NTN5: variants seen among roughly 807,000 people sequenced by gnomAD.
NTN5 encodes netrin-5.
In NTN5, 42 loss-of-function variants were observed where a neutral mutation model predicts 38.7. The ratio of observed to expected loss-of-function variants is 1.08; its 90% confidence interval spans 0.85 to 1.40. NTN5 has a LOEUF of 1.40. Among genes scored for constraint, NTN5 ranks in the 40% most tolerant of loss-of-function variants. The probability of loss-of-function intolerance (pLI) is 0.00; values close to 1 mark genes in which losing one functional copy is unlikely to be tolerated. For missense variants in NTN5, 658 were observed against 716.5 expected (o/e 0.92, Z 0.93); for synonymous variants, 329 against 303.9 (o/e 1.08, Z -0.86).
At chr19:48,671,380 G>A (rs1277606422) in intron 1 of NTN5, among the ~76,000 whole-genome samples, 1 of 151,784 alleles carries the variant, frequency 6.6e-6, no homozygotes, top group Non-Finnish European at 1.5e-5. Context: ...CAGGAGAGGG[G>A]GCTTAGGGAC....
Position 48,671,022 on chromosome 19 carries a change from G to A in NTN5, c.-20-16C>T. On this transcript the variant is annotated splice_polypyrimidine_tract_variant and intron_variant, in intron 1 of 6. Coordinates refer to ENST00000270235, the MANE Select transcript of NTN5 (RefSeq NM_145807.4). Reference sequence around the variant, plus strand: ...GAGCCAGCACCTGGAGGGAAGAGAGGTGGCTGGGCTGGGGATCTCAGCCGC... The same window carrying A: ...GAGCCAGCACCTGGAGGGAAGAGAGATGGCTGGGCTGGGGATCTCAGCCGC... 2.7e-6 allele frequency: 4 copies of A among 1,477,606 alleles called. No homozygotes were observed. Among genetic ancestry groups the A allele is most frequent in the Non-Finnish European group, 3.6e-6 (4 of 1,113,192 alleles). The allele number at this position is 1,477,606 out of a possible 1,614,324, so 91.5% of individuals were successfully genotyped here.
Position 48,664,529 on chromosome 19 carries a change from G to A in NTN5, c.820+50C>T, listed in dbSNP as rs144755455. ...AGCCCCTCCTCCCTCAGCCCCAGGA[G>A]TCCAGCCCTACCTCTGCTCCCCCCA... On this transcript the variant is annotated intron_variant, in intron 3 of 6. Transcript: ENST00000270235. 0.034 allele frequency: 51,106 copies of A among 1,496,134 alleles called. 1,277 individuals are homozygous for A. Among genetic ancestry groups the A allele is most frequent in the Non-Finnish European group, 0.039 (43,598 of 1,113,148 alleles). The allele number at this position is 1,496,134 out of a possible 1,614,324, so 92.7% of individuals were successfully genotyped here.
At chr19:48,663,692 C>G (rs776399043) in intron 5 of NTN5, 69 bp downstream of exon 5, 3 of 1,545,720 alleles carry the variant, frequency 1.9e-6, no homozygotes, top group Non-Finnish European at 2.7e-6. Context: ...GTATCCCCAT[C>G]TGGGGACCCA....
chr19:48,664,741 G>C lies in NTN5; in HGVS notation c.658C>G (p.Arg220Gly). Residue 220 changes from arginine (R) to glycine (G), a missense_variant, in exon 3 of 7, where the codon CGC becomes GGC. Physicochemically the swap from Arg to Gly is moderately radical, Grantham distance 125. Coordinates refer to ENST00000270235, the MANE Select transcript of NTN5 (RefSeq NM_145807.4). The stretch of plus-strand genomic sequence containing the variant: ...AACAGCTCAGAGTTGAACCGGCAGC[G>C]TCGGGCGTGCTGGTTGCAGGAGCAG... ...LPCSCNQHAR[R>G]CRFNSELFRL... 3 of 1,577,854 alleles carry C rather than the reference G, an allele frequency of 1.9e-6. No individual in the cohort carries two copies. Among genetic ancestry groups the C allele is most frequent in the East Asian group, 2.4e-5 (1 of 42,318 alleles).
intron 6 of NTN5, chr19:48,663,092 A>G (rs2031591750): frequency 2.5e-6 from 1 of 407,084 alleles, no homozygotes; most frequent in Admixed American, 2.8e-5. Flanking sequence ...CTAAGGCTCA[A>G]ATATCTGGGA....
chr19:48,668,417 C>T (rs1393981917), intron 2 of NTN5, among the ~76,000 whole-genome samples: 1 of 152,186 alleles, frequency 6.6e-6, no homozygotes, highest in Non-Finnish European at 1.5e-5. Context: ...GTTACTATCC[C>T]CAATCTATGG....
Position 48,661,477 on chromosome 19 carries a change from G to C in NTN5, c.*200C>G. 1 of 523,462 alleles carries C rather than the reference G, an allele frequency of 1.9e-6. No homozygotes were observed. 32.4% of individuals were successfully genotyped at this position (523,462 alleles called of 1,614,324 possible). On this transcript the variant is annotated 3_prime_UTR_variant, in exon 7 of 7. Coordinates refer to ENST00000270235, the MANE Select transcript of NTN5 (RefSeq NM_145807.4). ...GGGAATAAGCCACAGGCCAAAGGAG[G>C]AAATGTTGGGACCAGAAGTCCCGCT... is the stretch of plus-strand genomic sequence containing the variant.
intron 2 of NTN5, among the ~76,000 whole-genome samples, chr19:48,665,252 A>G (rs1410036723): frequency 6.6e-6 from 1 of 151,434 alleles, no homozygotes; most frequent in East Asian, 2.0e-4. Flanking sequence ...CATGGCCAAC[A>G]TGGCGAAAAC....
chr19:48,665,679 C>T (rs1211492288), intron 2 of NTN5, among the ~76,000 whole-genome samples: 7 of 149,952 alleles, frequency 4.7e-5, no homozygotes, highest in African/African-American at 1.7e-4. Flanking sequence ...ATTAGCTGGG[C>T]GTGGTGGCAC....
At chr19:48,668,755 C>T (rs1047194575) in intron 2 of NTN5, among the ~76,000 whole-genome samples, 2 of 152,156 alleles carry the variant, frequency 1.3e-5, no homozygotes, top group Non-Finnish European at 2.9e-5. Context: ...CCCTGCCTGG[C>T]ACACGTAGGT....
At position 48,669,965 on chromosome 19, in the gene NTN5, ACCACCATCATCACCATCAT is replaced by A. The variant is rs1190865087; in HGVS notation, c.631+372_631+390del. Among the ~76,000 whole-genome samples the A allele has an allele frequency of 3.9e-3, 124 of 31,736 alleles. 13 individuals carry two copies. The highest frequency in any genetic ancestry group is 0.014 in the African/African-American group (67 of 4,768). The allele number at this position is 31,736 out of a possible 152,430, so 20.8% of individuals were successfully genotyped here. A position where few individuals can be genotyped will look rare whatever the true frequency, so the allele number is the denominator to read the frequency against. On this transcript the variant is annotated intron_variant, in intron 2 of 6. Coordinates refer to ENST00000270235, the MANE Select transcript of NTN5 (RefSeq NM_145807.4). ...CACCATCACCACCACCATCACCATC[ACCACCATCATCACCATCAT>A]CACCACCACCATCACCATCACCACC...
Position 48,661,473 on chromosome 19 carries a change from G to T in NTN5, c.*204C>A. 1.9e-6 allele frequency: 1 copy of T among 514,890 alleles called. No homozygotes were observed. The highest frequency in any genetic ancestry group is 3.2e-6 in the Non-Finnish European group (1 of 316,958). 31.9% of individuals were successfully genotyped at this position (514,890 alleles called of 1,614,324 possible). On this transcript the variant is annotated 3_prime_UTR_variant, in exon 7 of 7. Transcript: ENST00000270235. The stretch of plus-strand genomic sequence containing the variant: ...GGCGGGGAATAAGCCACAGGCCAAA[G>T]GAGGAAATGTTGGGACCAGAAGTCC...
Position 48,664,734 on chromosome 19 carries a change from C to T in NTN5, c.665G>A (p.Arg222Gln), listed in dbSNP as rs773556123. The change falls in exon 3 of 7, where the codon CGG becomes CAG. Residue 222 changes from arginine to glutamine, a missense_variant. By Grantham distance (43) the Arg-to-Gln change is conservative (BLOSUM62 1). Coordinates refer to ENST00000270235, the MANE Select transcript of NTN5 (RefSeq NM_145807.4). ...CAGTCTGAACAGCTCAGAGTTGAACCGGCAGCGTCGGGCGTGCTGGTTGCA... is the reference window on the plus strand; with the variant it reads ...CAGTCTGAACAGCTCAGAGTTGAACTGGCAGCGTCGGGCGTGCTGGTTGCA... ...CSCNQHARRC[R>Q]FNSELFRLSG... 22 of 1,584,906 alleles carry T rather than the reference C, an allele frequency of 1.4e-5. No individual in the cohort carries two copies. Among genetic ancestry groups the T allele is most frequent in the South Asian group, 5.7e-5 (5 of 87,462 alleles).
chr19:48,667,884 G>T (rs570486129), intron 2 of NTN5, among the ~76,000 whole-genome samples: 66 of 152,158 alleles, frequency 4.3e-4, no homozygotes, highest in African/African-American at 1.5e-3. Context: ...ATAGAGGGCC[G>T]GGAGGCAAAG....
In NTN5 at chr19:48,662,021, C is replaced by T; in HGVS notation, c.1126G>A (p.Ala376Thr). 6 of 1,484,312 alleles carry T rather than the reference C, an allele frequency of 4.0e-6. No individual in the cohort carries two copies. Among genetic ancestry groups the T allele is most frequent in the Non-Finnish European group, 5.3e-6 (6 of 1,125,392 alleles). The allele number at this position is 1,484,312 out of a possible 1,614,324, so 91.9% of individuals were successfully genotyped here. Residue 376 changes from alanine to threonine, a missense_variant, in exon 7 of 7, where the codon GCG becomes ACG. Coordinates refer to ENST00000270235, the MANE Select transcript of NTN5 (RefSeq NM_145807.4). ...CATGCCGGGCCCGCCGCCTCGGACGCTAGCACCTGCGCGCGGAGAACTGTG... is the reference window on the plus strand; with the variant it reads ...CATGCCGGGCCCGCCGCCTCGGACGTTAGCACCTGCGCGCGGAGAACTGTG... ...QDHVLRAQVL[A>T]SEAAGPAWQR... is the part of the protein sequence containing the mutation.
Position 48,661,454 on chromosome 19 carries a change from G to C in NTN5, c.*223C>G, listed in dbSNP as rs1010389849. ...TTGGGGGAAACAGATCACTGGCGGG[G>C]AATAAGCCACAGGCCAAAGGAGGAA... On this transcript the variant is annotated 3_prime_UTR_variant, in exon 7 of 7. Transcript: ENST00000270235. 4.4e-6 allele frequency: 2 copies of C among 449,968 alleles called. No homozygotes were observed. The highest frequency in any genetic ancestry group is 8.9e-5 in the South Asian group (2 of 22,460). The allele number at this position is 449,968 out of a possible 1,614,324, so 27.9% of individuals were successfully genotyped here. A position where few individuals can be genotyped will look rare whatever the true frequency, so the allele number is the denominator to read the frequency against.
At chr19:48,662,909 C>T (rs905411550) in intron 6 of NTN5, 3 of 228,490 alleles carry the variant, frequency 1.3e-5, no homozygotes, top group African/African-American at 6.8e-5. Flanking sequence ...GAGAAGTCTG[C>T]GGTCCTATAC....
chr19:48,661,819 C>G lies in NTN5; in HGVS notation c.1328G>C (p.Arg443Pro). 7.5e-7 allele frequency: 1 copy of G among 1,339,854 alleles called. No homozygotes were observed. Among genetic ancestry groups the G allele is most frequent in the Non-Finnish European group, 9.5e-7 (1 of 1,051,430 alleles). 83.0% of individuals were successfully genotyped at this position (1,339,854 alleles called of 1,614,324 possible). ...GAGGCCGTGGCGGTCGAGGATGAGG[C>G]GCGTGGGGTCGGGGTCGCCCACGGC... Reference protein sequence around the residue: ...GSAVGDPDPTRLILDRHGLAL... With the variant: ...GSAVGDPDPTPLILDRHGLAL... Residue 443 changes from arginine to proline, a missense_variant, in exon 7 of 7, where the codon CGC (arginine) becomes CCC (proline). Coordinates refer to ENST00000270235, the MANE Select transcript of NTN5 (RefSeq NM_145807.4).
At position 48,663,513 on chromosome 19, in the gene NTN5, G is replaced by A. The variant is rs1015357976; in HGVS notation, c.1055C>T (p.Ser352Leu). ...AAGGCTCATGTGTACCCTGGTGTCC[G>A]ACATATTGCAGTAGTTTTGACACTG... ...DPQCQNYCNMSDTRVHMSLRR... is the reference protein window; with the variant it reads ...DPQCQNYCNMLDTRVHMSLRR... The change falls in exon 6 of 7, where the codon TCG becomes TTG. Residue 352 changes from serine to leucine, a missense_variant. Physicochemically the swap from Ser to Leu is moderately radical, Grantham distance 145 (BLOSUM62 -2). Coordinates refer to ENST00000270235, the MANE Select transcript of NTN5 (RefSeq NM_145807.4). 23 of 1,614,040 alleles carry A rather than the reference G, an allele frequency of 1.4e-5. No homozygotes were observed. The highest frequency in any genetic ancestry group is 5.0e-5 in the Admixed American group (3 of 59,994).
Sources: gnomAD v4.1 joint callset for allele counts (sites outside exome capture counted in the v4.1 genomes callset) on GRCh38, gnomAD v4.1.1 for gene constraint, MANE v1.5 for transcripts, NCBI Gene and HGNC (gene_info 2026-07-23, HGNC 2026-07-21) for gene names.